The following SPIDR variants were observed in gnomAD, a reference collection of about 807,000 sequenced individuals.
SPIDR encodes the protein DNA repair-scaffolding protein.
A neutral mutation model predicts 104.6 loss-of-function variants in SPIDR; 93 were observed. The observed-to-expected ratio is 0.89, with a 90% CI of 0.75 to 1.06. SPIDR has a LOEUF of 1.06. Among genes scored for constraint, SPIDR ranks in the 50% least tolerant of loss-of-function variants. The pLI is 0.00. For synonymous variants in SPIDR, 431 were observed against 416.9 expected, an observed-to-expected ratio of 1.03 and a Z score of -0.41; for missense variants, 1,154 against 1,111.2, an observed-to-expected ratio of 1.04 and a Z score of -0.55.
rs1292493643 is a variant in SPIDR, at chr8:47,413,626, G to A, written c.877+5665G>A. Reference sequence around the variant, plus strand: ...TTCCAAGTAGGAGCAAAACATGGGCGAACTTTGAATTGGATCATAAATTCT... The same window carrying A: ...TTCCAAGTAGGAGCAAAACATGGGCAAACTTTGAATTGGATCATAAATTCT... On this transcript the variant is annotated intron_variant, in intron 7 of 19. Coordinates refer to ENST00000297423, the MANE Select transcript of SPIDR (RefSeq NM_001080394.4). 3.9e-5 allele frequency among the ~76,000 whole-genome samples: 6 copies of A among 152,166 alleles called. No homozygotes were observed. In the South Asian group the frequency reaches 6.2e-4, roughly 16 times the overall value.
At chr8:47,333,330 C>T (rs1490605921) in intron 5 of SPIDR, among the ~76,000 whole-genome samples, 3 of 152,100 alleles carry the variant, frequency 2.0e-5, no homozygotes, top group African/African-American at 7.2e-5. Context: ...TAGATGGAGT[C>T]TTGCTCTGTA....
chr8:47,449,296 G>A (rs1554704173), intron 8 of SPIDR, among the ~76,000 whole-genome samples: 1 of 152,134 alleles, frequency 6.6e-6, no homozygotes. Context: ...TTGATTTGTG[G>A]GGCCCAGTCA....
chr8:47,595,201 G>A (rs2061508603), intron 8 of SPIDR, among the ~76,000 whole-genome samples: 1 of 152,140 alleles, frequency 6.6e-6, no homozygotes, highest in Non-Finnish European at 1.5e-5. Flanking sequence ...CGTCCTCCCA[G>A]AATCAGAAGT....
intron 8 of SPIDR, among the ~76,000 whole-genome samples, chr8:47,450,185 T>C (rs2071441623): frequency 6.6e-6 from 1 of 151,946 alleles, no homozygotes; most frequent in Non-Finnish European, 1.5e-5. Context: ...AAAAATTCAT[T>C]TGTCTTATGG....
intron 8 of SPIDR, among the ~76,000 whole-genome samples, chr8:47,450,539 T>G (rs993864446): frequency 6.6e-6 from 1 of 152,240 alleles, no homozygotes; most frequent in African/African-American, 2.4e-5. Context: ...CAAATAAGTT[T>G]GGAAAAGGCT....
chr8:47,625,643 T>G (rs890552473), intron 10 of SPIDR, among the ~76,000 whole-genome samples: 2 of 151,926 alleles, frequency 1.3e-5, no homozygotes, highest in Non-Finnish European at 2.9e-5. Context: ...CACAATTGCT[T>G]CAAAGAGAAT....
chr8:47,494,788 T>TCTAA, intron 8 of SPIDR, among the ~76,000 whole-genome samples: 1 of 152,322 alleles, frequency 6.6e-6, no homozygotes, highest in Admixed American at 6.5e-5. Flanking sequence ...ACTTCCCATC[T>TCTAA]CTAAGGATTT....
At chr8:47,650,406 G>T (rs1446626265) in intron 10 of SPIDR, among the ~76,000 whole-genome samples, 1 of 152,120 alleles carries the variant, frequency 6.6e-6, no homozygotes, top group Non-Finnish European at 1.5e-5. Flanking sequence ...AACCAAGGAG[G>T]TGAAAGATAA....
At chr8:47,452,819 T>A (rs1261369736) in intron 8 of SPIDR, among the ~76,000 whole-genome samples, 1 of 152,178 alleles carries the variant, frequency 6.6e-6, no homozygotes, top group Non-Finnish European at 1.5e-5. Context: ...GGATGCCCTC[T>A]CTCACCACTC....
chr8:47,706,222 C>G (rs2081062240), intron 14 of SPIDR, among the ~76,000 whole-genome samples: 1 of 152,032 alleles, frequency 6.6e-6, no homozygotes, highest in South Asian at 2.1e-4. Context: ...GAAACCCTGT[C>G]TCTACTAAAA....
At chr8:47,534,476 C>T (rs935521456) in intron 8 of SPIDR, among the ~76,000 whole-genome samples, 3 of 152,152 alleles carry the variant, frequency 2.0e-5, no homozygotes, top group Admixed American at 6.6e-5. Flanking sequence ...ATGTCTTTTG[C>T]AGGAACATGG....
At chr8:47,728,292 G>A (rs554206315) in intron 17 of SPIDR, among the ~76,000 whole-genome samples, 2 of 151,828 alleles carry the variant, frequency 1.3e-5, no homozygotes, top group African/African-American at 4.8e-5. Context: ...AAAATTAGCC[G>A]GGCATGGTGG....
intron 5 of SPIDR, among the ~76,000 whole-genome samples, chr8:47,305,703 G>A (rs890320472): frequency 9.2e-5 from 14 of 151,922 alleles, no homozygotes; most frequent in Non-Finnish European, 4.4e-5. Context: ...GCTTTTAATC[G>A]GTTTTAATAG....
chr8:47,277,714 C>G (rs1186277712), intron 1 of SPIDR, among the ~76,000 whole-genome samples: 3 of 142,578 alleles, frequency 2.1e-5, no homozygotes, highest in Non-Finnish European at 3.0e-5. Flanking sequence ...CGCCTTGTTG[C>G]CCAGGCTGGA....
intron 10 of SPIDR, among the ~76,000 whole-genome samples, chr8:47,611,504 C>T (rs915791734): frequency 3.9e-5 from 6 of 152,076 alleles, no homozygotes; most frequent in African/African-American, 1.4e-4. Flanking sequence ...CGAGACCATC[C>T]TGGCTAACAC....
At chr8:47,487,421 C>G (rs978738721) in intron 8 of SPIDR, among the ~76,000 whole-genome samples, 1 of 152,100 alleles carries the variant, frequency 6.6e-6, no homozygotes, top group African/African-American at 2.4e-5. Flanking sequence ...CTTTAACACC[C>G]CACTGTCAAC....
intron 8 of SPIDR, among the ~76,000 whole-genome samples, chr8:47,458,992 C>T (rs2073486333): frequency 6.6e-6 from 1 of 152,126 alleles, no homozygotes. Flanking sequence ...TGGTATGAAA[C>T]ACACTTGATC....
intron 5 of SPIDR, among the ~76,000 whole-genome samples, chr8:47,328,813 T>A (rs16920024): frequency 6.6e-6 from 1 of 152,170 alleles, no homozygotes; most frequent in Non-Finnish European, 1.5e-5. Context: ...TCTAAATGTT[T>A]CAGGGTTTTT....
At chr8:47,458,822 A>G (rs2073455276) in intron 8 of SPIDR, among the ~76,000 whole-genome samples, 1 of 152,060 alleles carries the variant, frequency 6.6e-6, no homozygotes, top group Admixed American at 6.6e-5. Context: ...TGAGGATTTT[A>G]ATCAAAAAGG....
Sources: gnomAD v4.1 joint callset for allele counts (sites outside exome capture counted in the v4.1 genomes callset) on GRCh38, gnomAD v4.1.1 for gene constraint, MANE v1.5 for transcripts, NCBI Gene and HGNC (gene_info 2026-07-23, HGNC 2026-07-21) for gene names.